Variants in ZMYND8 observed in about 807,000 individuals in gnomAD.
ZMYND8 encodes MYND-type zinc finger-containing chromatin reader ZMYND8.
ZMYND8 carries 37 observed loss-of-function variants against 140.8 expected under a neutral mutation model. That is an observed-to-expected ratio of 0.26 (90% confidence interval 0.20 to 0.35). ZMYND8 has a LOEUF of 0.35. Among genes scored for constraint, ZMYND8 ranks in the 10% least tolerant of loss-of-function variants. The pLI, the probability that ZMYND8 is intolerant of heterozygous loss-of-function variation, is 1.00. For missense variants in ZMYND8, 1,068 were observed against 1,570.0 expected (o/e 0.68, Z 5.40); for synonymous variants, 592 against 597.1 (o/e 0.99, Z 0.12).
chr20:47,294,629 T>G, intron 5 of ZMYND8, 37 bp downstream of exon 5: 2 of 1,579,846 alleles, frequency 1.3e-6, no homozygotes, highest in South Asian at 2.2e-5. Context: ...GTCATTACGT[T>G]CATTTACGCG....
intron 21 of ZMYND8, among the ~76,000 whole-genome samples, chr20:47,212,975 T>G (rs951335065): frequency 7.2e-5 from 11 of 152,158 alleles, no homozygotes; most frequent in Non-Finnish European, 2.9e-5. Flanking sequence ...AGGTATACAA[T>G]GACATAAAAG....
chr20:47,314,137 G>A (rs1481166905), intron 2 of ZMYND8, among the ~76,000 whole-genome samples: 1 of 152,076 alleles, frequency 6.6e-6, no homozygotes, highest in African/African-American at 2.4e-5. Context: ...GGGAGTCCAG[G>A]GAAGGATTAT....
chr20:47,251,781 A>C (rs2074196543), intron 12 of ZMYND8, among the ~76,000 whole-genome samples: 1 of 150,370 alleles, frequency 6.7e-6, no homozygotes. Context: ...CAAGGAGTGC[A>C]TCTCTGCCCG....
intron 2 of ZMYND8, among the ~76,000 whole-genome samples, chr20:47,328,551 C>T (rs2080658351): frequency 6.6e-6 from 1 of 152,126 alleles, no homozygotes; most frequent in Non-Finnish European, 1.5e-5. Flanking sequence ...ACAACCTCTG[C>T]CTCCCAGGTT....
chr20:47,352,103 C>T lies in ZMYND8; in HGVS notation c.15-4177G>A, dbSNP rs145429018. 2.8e-5 allele frequency: 20 copies of T among 726,910 alleles called. No homozygotes were observed. In the East Asian group the frequency reaches 2.6e-3, roughly 96 times the overall value. 45.0% of individuals were successfully genotyped at this position (726,910 alleles called of 1,614,324 possible). On this transcript the variant is annotated intron_variant, in intron 1 of 22. Coordinates refer to ENST00000471951, the MANE Select transcript of ZMYND8 (RefSeq NM_001281775.3). ...GAATCGTGCAGCCCCGTGGCACAAACTGCAGACGGACAGGTGTCTGTGCAA... is the reference window on the plus strand; with the variant it reads ...GAATCGTGCAGCCCCGTGGCACAAATTGCAGACGGACAGGTGTCTGTGCAA...
intron 11 of ZMYND8, among the ~76,000 whole-genome samples, chr20:47,266,763 T>G (rs2075555575): frequency 6.6e-6 from 1 of 152,078 alleles, no homozygotes; most frequent in African/African-American, 2.4e-5. Flanking sequence ...AAAAATAATT[T>G]TTAGGGGGTG....
chr20:47,337,348 AAAAT>A (rs1457446486), intron 2 of ZMYND8, among the ~76,000 whole-genome samples: 1 of 152,064 alleles, frequency 6.6e-6, no homozygotes, highest in Non-Finnish European at 1.5e-5. Flanking sequence ...CTGTCTCAAA[AAAAT>A]AAATAAATAA....
At chr20:47,326,537 C>T (rs774553757) in intron 2 of ZMYND8, among the ~76,000 whole-genome samples, 1 of 152,120 alleles carries the variant, frequency 6.6e-6, no homozygotes. Flanking sequence ...GGCCATTTAA[C>T]CAAATCTTCA....
intron 14 of ZMYND8, among the ~76,000 whole-genome samples, chr20:47,241,666 G>A (rs567512526): frequency 6.6e-6 from 1 of 152,142 alleles, no homozygotes; most frequent in Admixed American, 6.5e-5. Context: ...GGATGCACAG[G>A]CCTCAGCCCC....
At chr20:47,228,390 C>T (rs1242661274) in intron 17 of ZMYND8, among the ~76,000 whole-genome samples, 1 of 152,166 alleles carries the variant, frequency 6.6e-6, no homozygotes, top group African/African-American at 2.4e-5. Flanking sequence ...AATGGTGTCT[C>T]TAATTGTGGG....
intron 2 of ZMYND8, among the ~76,000 whole-genome samples, chr20:47,316,051 G>A (rs2079366222): frequency 1.3e-5 from 2 of 152,198 alleles, no homozygotes; most frequent in African/African-American, 4.8e-5. Flanking sequence ...CCAGGCATGA[G>A]GCCGGGCACG....
chr20:47,278,071 C>G (rs895548741), intron 10 of ZMYND8, among the ~76,000 whole-genome samples: 4 of 152,154 alleles, frequency 2.6e-5, no homozygotes, highest in Non-Finnish European at 5.9e-5. Context: ...CTCCTGGACT[C>G]AAGGAATCCT....
chr20:47,267,795 G>A (rs907569355), intron 11 of ZMYND8, among the ~76,000 whole-genome samples: 1 of 152,208 alleles, frequency 6.6e-6, no homozygotes, highest in Non-Finnish European at 1.5e-5. Flanking sequence ...GGGCCACCCT[G>A]GAAGATCAAG....
At position 47,246,489 on chromosome 20, in the gene ZMYND8, A is replaced by G; in HGVS notation, c.1803T>C (p.Tyr601=). The change falls in exon 14 of 23, where the codon TAT becomes TAC. Residue 601 remains tyrosine (Y), a synonymous_variant. Coordinates refer to ENST00000471951, the MANE Select transcript of ZMYND8 (RefSeq NM_001281775.3). Reference sequence around the variant, plus strand: ...CCGAATCGCTGTGCTCTACGGCCGTATAGACATCTTCCGAGATTTCATTTA... The same window carrying G: ...CCGAATCGCTGTGCTCTACGGCCGTGTAGACATCTTCCGAGATTTCATTTA... ...LGINEISEDV[Y]TAVEHSDSED... 6.3e-7 allele frequency: 1 copy of G among 1,592,898 alleles called. No homozygotes were observed. The highest frequency in any genetic ancestry group is 8.5e-7 in the Non-Finnish European group (1 of 1,171,276).
At chr20:47,241,294 CAAAAAA>C (rs11476591) in intron 14 of ZMYND8, among the ~76,000 whole-genome samples, 1 of 62,032 alleles carries the variant, frequency 1.6e-5, no homozygotes, top group Non-Finnish European at 3.8e-5. Context: ...GACTCCGTCT[CAAAAAA>C]AAAAAAAAAA....
At chr20:47,211,725 G>T (rs961074961) in intron 22 of ZMYND8, among the ~76,000 whole-genome samples, 14 of 152,212 alleles carry the variant, frequency 9.2e-5, no homozygotes, top group Admixed American at 8.5e-4. Context: ...AGTTCAGACA[G>T]ACTGGGACAG....
intron 14 of ZMYND8, among the ~76,000 whole-genome samples, chr20:47,244,286 C>G (rs761244155): frequency 6.6e-6 from 1 of 152,236 alleles, no homozygotes; most frequent in Non-Finnish European, 1.5e-5. Context: ...TTAAGTCACT[C>G]GCCACATACA....
chr20:47,310,234 A>T (rs768011711), intron 2 of ZMYND8, 30 bp from the exon 3 acceptor site: 1 of 1,571,190 alleles, frequency 6.4e-7, no homozygotes, highest in Non-Finnish European at 8.6e-7. Context: ...ACAGGTTTTA[A>T]AGCAGTCAGG....
chr20:47,342,504 G>A (rs1011332469), intron 2 of ZMYND8, among the ~76,000 whole-genome samples: 3 of 147,002 alleles, frequency 2.0e-5, no homozygotes, highest in East Asian at 2.0e-4. Flanking sequence ...CCAAGATCGC[G>A]CCAACTGCAC....
Sources: allele counts gnomAD v4.1 joint callset (sites outside exome capture counted in the v4.1 genomes callset), GRCh38; gene constraint gnomAD v4.1.1; transcripts MANE v1.5; gene names NCBI Gene and HGNC (gene_info 2026-07-23, HGNC 2026-07-21).